The following AREL1 variants were observed in gnomAD, a reference collection of about 807,000 sequenced individuals.
AREL1 encodes the protein apoptosis resistant E3 ubiquitin protein ligase 1.
In AREL1, 62 loss-of-function variants were observed where a neutral mutation model predicts 99.0. That is an observed-to-expected ratio of 0.63 (90% CI 0.51 to 0.77). The LOEUF (loss-of-function observed/expected upper bound fraction) is 0.77. Among genes scored for constraint, AREL1 ranks in the 30% least tolerant of loss-of-function variants. The pLI, the probability that AREL1 is intolerant of heterozygous loss-of-function variation, is 0.00. For missense variants in AREL1, 879 were observed against 1,027.6 expected (o/e 0.86, Z 1.98); for synonymous variants, 380 against 376.5 (o/e 1.01, Z -0.11).
At position 74,712,996 on chromosome 14, in the gene AREL1, C is replaced by T. The variant is rs1172657644; in HGVS notation, c.-397G>A. ...GCTGTCCTGGGAAGGGGCGGCAGCA[C>T]TCAGCAGAAGACGGGCTCCCCACTC... On this transcript the variant is annotated 5_prime_UTR_variant, in exon 1 of 20. It adds an upstream start codon to the 5' untranslated region. Transcript: ENST00000356357. 3 of 833,792 alleles carry T rather than the reference C, an allele frequency of 3.6e-6. No homozygotes were observed. The highest frequency in any genetic ancestry group is 6.1e-6 in the Non-Finnish European group (3 of 494,522). The allele number at this position is 833,792 out of a possible 1,614,324, so 51.6% of individuals were successfully genotyped here. A position where few individuals can be genotyped will look rare whatever the true frequency, so the allele number is the denominator to read the frequency against.
chr14:74,695,761 T>C lies in AREL1; in HGVS notation c.-333-3433A>G, dbSNP rs190242950. On this transcript the variant is annotated intron_variant, in intron 1 of 19. Transcript: ENST00000356357. ...TCCCCAAGGAACACTGACCAGGTCA[T>C]AACATTGCCTCCCCAAGGCTAGTAT... Among the ~76,000 whole-genome samples the C allele has an allele frequency of 2.1e-3, 326 of 152,338 alleles. 5 individuals are homozygous for C. The highest frequency in any genetic ancestry group is 0.014 in the Middle Eastern group (4 of 294).
intron 1 of AREL1, among the ~76,000 whole-genome samples, chr14:74,697,675 T>C (rs979468918): frequency 1.3e-5 from 2 of 152,240 alleles, no homozygotes; most frequent in Admixed American, 6.5e-5. Context: ...TAATCATTCC[T>C]GTGGGTCTTC....
chr14:74,700,340 G>A (rs559856692), intron 1 of AREL1, among the ~76,000 whole-genome samples: 1 of 152,340 alleles, frequency 6.6e-6, no homozygotes, highest in South Asian at 2.1e-4. Flanking sequence ...TAGTTTATAA[G>A]TGAAGGAGTC....
chr14:74,683,613 G>C (rs1443213128), intron 4 of AREL1, 80 bp from the exon 5 acceptor site: 8 of 1,321,956 alleles, frequency 6.1e-6, no homozygotes, highest in African/African-American at 1.5e-5. Flanking sequence ...GGGGAGAGAG[G>C]AAGTAGCTGG....
In AREL1 at chr14:74,684,455, T is replaced by C; in HGVS notation, c.242A>G (p.His81Arg). 6.2e-7 allele frequency: 1 copy of C among 1,614,044 alleles called. No homozygotes were observed. The highest frequency in any genetic ancestry group is 8.5e-7 in the Non-Finnish European group (1 of 1,179,936). The change falls in exon 4 of 20, where the codon CAT (histidine) becomes CGT (arginine). Residue 81 changes from histidine (H) to arginine (R), a missense_variant and splice_region_variant. His to Arg is a conservative substitution (Grantham distance 29, BLOSUM62 0). Transcript: ENST00000356357. The stretch of plus-strand genomic sequence containing the variant: ...ATGGAGACAGAAACATTCCCTTACA[T>C]GCACTCGGAAGGCCATGCTGTGGCC... ...EVGHSMAFRV[H>R]LFYKNGQPFP...
rs761882715 is a variant in AREL1 at position 74,676,327 on chromosome 14, G to A, written c.652-6C>T. 5 of 1,613,586 alleles carry A rather than the reference G, an allele frequency of 3.1e-6. No individual in the cohort carries two copies. The highest frequency in any genetic ancestry group is 4.2e-6 in the Non-Finnish European group (5 of 1,179,660). ...TCTTCTTCTTGAGGGCCGAGCTATA[G>A]GAAGGCAACAGAGCATCACTTAACA... is the stretch of plus-strand genomic sequence containing the variant. On this transcript the variant is annotated splice_region_variant and splice_polypyrimidine_tract_variant and intron_variant, in intron 6 of 19. Transcript: ENST00000356357.
chr14:74,672,100 A>C lies in AREL1; in HGVS notation c.1423-617T>G. 7.5e-6 allele frequency: 3 copies of C among 397,472 alleles called. 1 individual carries two copies. The highest frequency in any genetic ancestry group is 1.5e-5 in the Non-Finnish European group (3 of 194,214). 24.6% of individuals were successfully genotyped at this position (397,472 alleles called of 1,614,324 possible). ...AGGTGTTCCTTTTCCATCAGACCAA[A>C]GTGACAACAAAAATCATTTCCTTTT... On this transcript the variant is annotated intron_variant, in intron 11 of 19. Coordinates refer to ENST00000356357, the MANE Select transcript of AREL1 (RefSeq NM_001039479.2).
At chr14:74,707,282 A>C (rs1482177410) in intron 1 of AREL1, among the ~76,000 whole-genome samples, 1 of 151,020 alleles carries the variant, frequency 6.6e-6, no homozygotes, top group Non-Finnish European at 1.5e-5. Context: ...GCCGGAGAAT[A>C]GTTTGAACCC....
chr14:74,693,686 T>C (rs959077702), intron 1 of AREL1, among the ~76,000 whole-genome samples: 3 of 152,144 alleles, frequency 2.0e-5, no homozygotes, highest in East Asian at 3.9e-4. Flanking sequence ...CAGTGAGTAA[T>C]AGAGCTGAGT....
chr14:74,669,255 C>CAAATGTTGAA (rs1456628648), intron 15 of AREL1, among the ~76,000 whole-genome samples: 1 of 152,092 alleles, frequency 6.6e-6, no homozygotes, highest in Non-Finnish European at 1.5e-5. Context: ...ATCACTACTG[C>CAAATGTTGAA]AAATGTTGAC....
chr14:74,684,799 C>A (rs2089714129), intron 3 of AREL1, 119 bp from the exon 4 acceptor site: 1 of 845,908 alleles, frequency 1.2e-6, no homozygotes, highest in Non-Finnish European at 1.9e-6. Flanking sequence ...TGTAAGACTG[C>A]CAAAGAAACA....
chr14:74,669,847 T>C (rs562840841), intron 14 of AREL1, 73 bp from the exon 15 acceptor site: 1 of 1,593,816 alleles, frequency 6.3e-7, no homozygotes, highest in African/African-American at 1.3e-5. Flanking sequence ...TTAGAACCAC[T>C]TATCCCTTCA....
chr14:74,673,013 T>A (rs1015908348), intron 10 of AREL1, 61 bp from the exon 11 acceptor site: 1 of 1,613,820 alleles, frequency 6.2e-7, no homozygotes, highest in African/African-American at 1.3e-5. Context: ...TAGTCCTGCC[T>A]CTCCACCCTC....
chr14:74,666,784 A>C (rs1235138886), intron 17 of AREL1, among the ~76,000 whole-genome samples: 2 of 145,296 alleles, frequency 1.4e-5, no homozygotes, highest in African/African-American at 2.6e-5. Flanking sequence ...CAGTGGTGCG[A>C]TCTCGGATCA....
intron 1 of AREL1, among the ~76,000 whole-genome samples, chr14:74,699,402 C>A (rs1195899940): frequency 6.8e-6 from 1 of 147,016 alleles, no homozygotes; most frequent in Non-Finnish European, 1.5e-5. Flanking sequence ...AGAGCAAGAG[C>A]AAGAGAGAGA....
At chr14:74,676,077 G>A in intron 7 of AREL1, 64 bp downstream of exon 7, 1 of 1,572,938 alleles carries the variant, frequency 6.4e-7, no homozygotes, top group South Asian at 1.2e-5. Context: ...TCAGACAAAA[G>A]AGTGCAAACA....
chr14:74,672,233 T>C (rs771930678), intron 11 of AREL1, among the ~76,000 whole-genome samples: 1 of 152,252 alleles, frequency 6.6e-6, no homozygotes, highest in Non-Finnish European at 1.5e-5. Context: ...TTCAGTAGAT[T>C]TGAAGGCCAG....
intron 1 of AREL1, among the ~76,000 whole-genome samples, chr14:74,693,750 C>T (rs961417020): frequency 6.6e-6 from 1 of 152,170 alleles, no homozygotes; most frequent in Admixed American, 6.5e-5. Flanking sequence ...TACTCTACTG[C>T]CTCTCCACTA....
chr14:74,670,005 C>T lies in AREL1; in HGVS notation c.1730G>A (p.Arg577Gln), dbSNP rs376144017. The change falls in exon 14 of 20, where the codon CGA becomes CAA. Residue 577 changes from arginine (R) to glutamine (Q), a missense_variant. Transcript: ENST00000356357. ...SLGGAYKQLV[R>Q]ARFTRSFLAQ... ...CAGGAAAGAGCGGGTGAAGCGAGCTCGGACCAACTGCTTGTAGGCTCCTCC... is the reference window on the plus strand; with the variant it reads ...CAGGAAAGAGCGGGTGAAGCGAGCTTGGACCAACTGCTTGTAGGCTCCTCC... The T allele has an allele frequency of 1.1e-5, 17 of 1,613,884 alleles. No individual in the cohort carries two copies. The African/African-American group carries it at 1.1e-4, about 10-fold the overall frequency.
Sources: allele counts gnomAD v4.1 joint callset (sites outside exome capture counted in the v4.1 genomes callset), GRCh38; gene constraint gnomAD v4.1.1; transcripts MANE v1.5; gene names NCBI Gene and HGNC (gene_info 2026-07-23, HGNC 2026-07-21).